Variants in PGCKA1 observed in about 807,000 individuals in gnomAD.
The protein encoded by PGCKA1 is PDCD10 and GCKIII kinases-associated protein 1.
At chr4:37,588,897 A>G in the PGCKA1 span, 1 of 1,612,390 alleles carries the variant, frequency 6.2e-7, no homozygotes, top group Non-Finnish European at 8.5e-7. Flanking sequence ...AAATAATACA[A>G]AGGTAAAGCT....
chr4:37,472,604 CA>C, the PGCKA1 span, among the ~76,000 whole-genome samples: 1 of 152,112 alleles, frequency 6.6e-6, no homozygotes, highest in African/African-American at 2.4e-5. Flanking sequence ...GGTTTTAGTC[CA>C]CATCGTGACA....
the PGCKA1 span, among the ~76,000 whole-genome samples, chr4:37,573,128 C>G: frequency 5.3e-5 from 8 of 152,216 alleles, no homozygotes; most frequent in African/African-American, 1.9e-4. Flanking sequence ...TTCACTTAAG[C>G]ATGTATATCA....
chr4:37,540,003 G>A, the PGCKA1 span, among the ~76,000 whole-genome samples: 3 of 152,072 alleles, frequency 2.0e-5, no homozygotes, highest in Admixed American at 6.6e-5. Context: ...GTTACTAAAT[G>A]TGAAAAAAAT....
the PGCKA1 span, among the ~76,000 whole-genome samples, chr4:37,503,723 T>G: frequency 1.3e-5 from 2 of 152,248 alleles, no homozygotes; most frequent in African/African-American, 2.4e-5. Flanking sequence ...CACCTTTTCA[T>G]GTACCTGTTT....
the PGCKA1 span, among the ~76,000 whole-genome samples, chr4:37,553,876 A>G: frequency 6.6e-6 from 1 of 152,214 alleles, no homozygotes; most frequent in East Asian, 1.9e-4. Context: ...GGCTTTCTCT[A>G]CTGAGGGTTT....
chr4:37,471,592 G>A, the PGCKA1 span, among the ~76,000 whole-genome samples: 5 of 151,986 alleles, frequency 3.3e-5, no homozygotes, highest in South Asian at 8.3e-4. Context: ...CTGGGAAAGA[G>A]GAACATTAAA....
the PGCKA1 span, among the ~76,000 whole-genome samples, chr4:37,573,713 G>C: frequency 0.99 from 150,223 of 152,272 alleles, 74,126 homozygotes; most frequent in Middle Eastern, 1. Flanking sequence ...TCACTATTAT[G>C]AAATCTTCTT....
At chr4:37,466,279 T>C in the PGCKA1 span, among the ~76,000 whole-genome samples, 2 of 152,216 alleles carry the variant, frequency 1.3e-5, no homozygotes, top group Non-Finnish European at 2.9e-5. Flanking sequence ...TCTGAAATAT[T>C]AATGAAATAT....
the PGCKA1 span, among the ~76,000 whole-genome samples, chr4:37,532,964 G>A: frequency 1.5e-5 from 2 of 137,194 alleles, no homozygotes; most frequent in East Asian, 4.3e-4. Flanking sequence ...GACTTGGGGG[G>A]AACAGTGGGA....
chr4:37,499,176 A>G, the PGCKA1 span, among the ~76,000 whole-genome samples: 2 of 152,198 alleles, frequency 1.3e-5, no homozygotes, highest in Admixed American at 6.5e-5. Context: ...GATAAAGCCT[A>G]CTTGGTCATG....
At chr4:37,477,211 C>T in the PGCKA1 span, among the ~76,000 whole-genome samples, 1 of 152,072 alleles carries the variant, frequency 6.6e-6, no homozygotes, top group Non-Finnish European at 1.5e-5. Flanking sequence ...ATTGTTCAGC[C>T]GTAAAAAGGA....
chr4:37,481,612 G>C, the PGCKA1 span, among the ~76,000 whole-genome samples: 1 of 151,662 alleles, frequency 6.6e-6, no homozygotes, highest in Admixed American at 6.6e-5. Flanking sequence ...CTCATACTGT[G>C]TGTTGTCTGC....
At chr4:37,501,310 C>T in the PGCKA1 span, among the ~76,000 whole-genome samples, 2 of 152,094 alleles carry the variant, frequency 1.3e-5, no homozygotes, top group Non-Finnish European at 2.9e-5. Flanking sequence ...CGAGCATTAC[C>T]ACCTGAGCTC....
At chr4:37,474,329 CT>C in the PGCKA1 span, among the ~76,000 whole-genome samples, 2 of 152,122 alleles carry the variant, frequency 1.3e-5, no homozygotes, top group Admixed American at 6.6e-5. Flanking sequence ...AAAAGTCCCC[CT>C]GACCTCGAAC....
At chr4:37,556,954 T>G in the PGCKA1 span, among the ~76,000 whole-genome samples, 1 of 152,174 alleles carries the variant, frequency 6.6e-6, no homozygotes, top group African/African-American at 2.4e-5. Flanking sequence ...AATAACCAAG[T>G]GAGAAGATTT....
the PGCKA1 span, among the ~76,000 whole-genome samples, chr4:37,559,603 G>C: frequency 2.0e-5 from 3 of 151,758 alleles, no homozygotes; most frequent in African/African-American, 7.3e-5. Context: ...ATAATAATAA[G>C]ATAAAATAAA....
At chr4:37,546,966 T>A in the PGCKA1 span, among the ~76,000 whole-genome samples, 3 of 152,168 alleles carry the variant, frequency 2.0e-5, no homozygotes, top group Admixed American at 2.0e-4. Context: ...TGAGTGGAAG[T>A]GTGGCCTGAT....
the PGCKA1 span, among the ~76,000 whole-genome samples, chr4:37,541,940 G>A: frequency 0.25 from 37,282 of 152,062 alleles, 5,490 homozygotes; most frequent in South Asian, 0.35. Context: ...CAGTGGTAGC[G>A]GACTAGGCAA....
At chr4:37,560,260 C>A in the PGCKA1 span, among the ~76,000 whole-genome samples, 2 of 152,168 alleles carry the variant, frequency 1.3e-5, no homozygotes, top group South Asian at 4.1e-4. Context: ...GGATCCTCAC[C>A]CTGCAGGACT....
Sources: allele counts gnomAD v4.1 joint callset (sites outside exome capture counted in the v4.1 genomes callset), GRCh38; gene constraint gnomAD v4.1.1; transcripts MANE v1.5; gene names NCBI Gene and HGNC (gene_info 2026-07-23, HGNC 2026-07-21).